Variants in AMZ1 observed in about 807,000 individuals in gnomAD.
AMZ1 encodes the protein archaelysin family metallopeptidase 1, also known as archaemetzincin-1.
AMZ1 carries 39 observed loss-of-function variants against 29.9 expected under a neutral mutation model. The ratio of observed to expected loss-of-function variants is 1.30; its 90% CI spans 1.01 to 1.70. AMZ1 has a LOEUF of 1.70. Among genes scored for constraint, AMZ1 ranks in the 40% most tolerant of loss-of-function variants. The pLI is 0.00. For synonymous variants in AMZ1, 458 were observed against 304.0 expected (o/e 1.51, Z -5.27); for missense variants, 1,041 against 680.6 (o/e 1.53, Z -5.89).
intron 4 of AMZ1, among the ~76,000 whole-genome samples, chr7:2,741,041 T>C (rs959216184): frequency 6.8e-6 from 1 of 146,896 alleles, no homozygotes; most frequent in Non-Finnish European, 1.5e-5. Context: ...CGAGACTCCG[T>C]CTCAAAACAA....
chr7:2,710,417 C>G (rs1402240522), intron 6 of AMZ1, among the ~76,000 whole-genome samples: 1 of 152,216 alleles, frequency 6.6e-6, no homozygotes. Context: ...GGACTACAAC[C>G]AGTTATAAGG....
At chr7:2,720,578 A>AT (rs1274195404), downstream of AMZ1, among the ~76,000 whole-genome samples, 1 of 151,462 alleles carries the variant, frequency 6.6e-6, no homozygotes, top group Non-Finnish European at 1.5e-5. Context: ...TAATTTTTGT[A>AT]TTTTTTAGTA....
At chr7:2,756,768 C>A (rs1000060664) in intron 4 of AMZ1, among the ~76,000 whole-genome samples, 4 of 152,126 alleles carry the variant, frequency 2.6e-5, no homozygotes, top group African/African-American at 9.7e-5. Flanking sequence ...TGGAACATCA[C>A]TTTTGTGATT....
intron 4 of AMZ1, among the ~76,000 whole-genome samples, chr7:2,757,854 T>A (rs1047095741): frequency 6.6e-6 from 1 of 152,202 alleles, no homozygotes; most frequent in African/African-American, 2.4e-5. Context: ...CAAACCTGAC[T>A]TTTTAAATGG....
At position 2,704,483 on chromosome 7, in the gene AMZ1, TAAAA is replaced by T. The variant is rs34393404; in HGVS notation, c.472+1600_472+1603del. 4.0e-5 allele frequency among the ~76,000 whole-genome samples: 6 copies of T among 149,838 alleles called. No homozygotes were observed. In the East Asian group the frequency reaches 1.2e-3, roughly 29 times the overall value. ...GGGTGACAGAACAAGACCCGATCAT[TAAAA>T]AAAAATCACAACCCCCATATATTGT... is the stretch of plus-strand genomic sequence containing the variant. On this transcript the variant is annotated intron_variant, in intron 3 of 6. Coordinates refer to ENST00000683327, the MANE Select transcript of AMZ1 (RefSeq NM_001384743.1).
intron 3 of AMZ1, among the ~76,000 whole-genome samples, chr7:2,705,196 G>T (rs981814978): frequency 6.6e-6 from 1 of 152,150 alleles, no homozygotes; most frequent in African/African-American, 2.4e-5. Context: ...GGCACCAAAG[G>T]GCTGACTGTG....
intron 4 of AMZ1, among the ~76,000 whole-genome samples, chr7:2,743,710 G>A (rs208352): frequency 0.17 from 25,612 of 152,136 alleles, 2,685 homozygotes; most frequent in East Asian, 0.56. Flanking sequence ...TGCGCGAGCC[G>A]AAGCAGGGCG....
chr7:2,696,316 G>A (rs1232885861), intron 1 of AMZ1, among the ~76,000 whole-genome samples: 2 of 148,194 alleles, frequency 1.3e-5, no homozygotes, highest in African/African-American at 5.0e-5. Flanking sequence ...GAGTGCAGTG[G>A]TGCGATCTTG....
intron 4 of AMZ1, among the ~76,000 whole-genome samples, chr7:2,727,855 A>G (rs935768227): frequency 7.9e-5 from 12 of 152,012 alleles, no homozygotes; most frequent in African/African-American, 2.9e-4. Context: ...CAGGAGATAG[A>G]GACCACCCTG....
chr7:2,745,237 A>C, intron 4 of AMZ1, among the ~76,000 whole-genome samples: 1 of 152,268 alleles, frequency 6.6e-6, no homozygotes, highest in Non-Finnish European at 1.5e-5. Flanking sequence ...CAAAGTTGAA[A>C]TGAAGGAAAA....
At chr7:2,727,930 G>A (rs1789690206) in intron 4 of AMZ1, among the ~76,000 whole-genome samples, 1 of 149,706 alleles carries the variant, frequency 6.7e-6, no homozygotes, top group African/African-American at 2.5e-5. Context: ...GGTGGCGGGC[G>A]CCTGTAGACC....
At chr7:2,745,043 T>A (rs996852229) in intron 4 of AMZ1, among the ~76,000 whole-genome samples, 7 of 152,214 alleles carry the variant, frequency 4.6e-5, no homozygotes, top group Non-Finnish European at 1.0e-4. Flanking sequence ...CTACATCTGA[T>A]TGGTGTACCT....
At chr7:2,697,450 G>A (rs1056259483) in intron 1 of AMZ1, among the ~76,000 whole-genome samples, 2 of 151,750 alleles carry the variant, frequency 1.3e-5, no homozygotes, top group African/African-American at 4.8e-5. Context: ...TTGAGACAGG[G>A]TCTCACTCCC....
chr7:2,746,184 C>T (rs1468324023), intron 4 of AMZ1, among the ~76,000 whole-genome samples: 3 of 152,196 alleles, frequency 2.0e-5, no homozygotes, highest in East Asian at 3.8e-4. Context: ...TAGACATCTA[C>T]GGAACTCTCC....
Position 2,712,579 on chromosome 7 carries a change from C to G in AMZ1, c.1198C>G (p.Pro400Ala). The change falls in exon 7 of 7, where the codon CCT becomes GCT. Residue 400 changes from proline to alanine, a missense_variant. Coordinates refer to ENST00000683327, the MANE Select transcript of AMZ1 (RefSeq NM_001384743.1). ...AGAGGCTCCGCTGCCACCTGGGGGC[C>G]CTGCGGAGGCCATCAAGGAGCATGA... The part of the protein sequence containing the change: ...ASEAPLPPGG[P>A]AEAIKEHERW... The G allele has an allele frequency of 6.2e-6, 10 of 1,611,806 alleles. No homozygotes were observed. The highest frequency in any genetic ancestry group is 8.5e-6 in the Non-Finnish European group (10 of 1,179,400).
At chr7:2,711,667 T>C (rs1583178456) in intron 6 of AMZ1, among the ~76,000 whole-genome samples, 1 of 152,290 alleles carries the variant, frequency 6.6e-6, no homozygotes, top group African/African-American at 2.4e-5. Context: ...GTGATCCTCC[T>C]GCCTCTGCCT....
intron 4 of AMZ1, among the ~76,000 whole-genome samples, chr7:2,741,796 C>A (rs1388933358): frequency 6.6e-6 from 1 of 151,328 alleles, no homozygotes; most frequent in Non-Finnish European, 1.5e-5. Context: ...CTTCTACAAC[C>A]ACGGCAACTT....
chr7:2,700,138 C>G (rs1787963599), intron 1 of AMZ1, 96 bp from the exon 2 acceptor site: 2 of 395,586 alleles, frequency 5.1e-6, no homozygotes, highest in African/African-American at 4.0e-5. Flanking sequence ...TGCAGAGCTT[C>G]TCCCCAGGCC....
At chr7:2,679,715 G>C in intron 1 of AMZ1, 1 of 152,538 alleles carries the variant, frequency 6.6e-6, no homozygotes, top group East Asian at 1.9e-4. Flanking sequence ...AGGGTTCTGG[G>C]AAGAGGCAGC....
Sources: gnomAD v4.1 joint callset for allele counts (sites outside exome capture counted in the v4.1 genomes callset) on GRCh38, gnomAD v4.1.1 for gene constraint, MANE v1.5 for transcripts, NCBI Gene and HGNC (gene_info 2026-07-23, HGNC 2026-07-21) for gene names.